PTP4A1: variants seen among roughly 807,000 people sequenced by gnomAD.
The protein encoded by PTP4A1 is protein tyrosine phosphatase type IVA 1.
In PTP4A1, 9 loss-of-function variants were observed where a neutral mutation model predicts 20.5. That is an observed-to-expected ratio of 0.44 (90% confidence interval 0.26 to 0.77). The LOEUF (loss-of-function observed/expected upper bound fraction) is 0.77, where lower values mean the gene tolerates loss of function less well. Ranked by LOEUF, PTP4A1 falls within the 30% of genes least tolerant of loss-of-function variation. The pLI, the probability that PTP4A1 is intolerant of heterozygous loss-of-function variation, is 0.19. For missense variants in PTP4A1, 137 were observed against 218.8 expected (o/e 0.63, Z 2.36); for synonymous variants, 78 against 67.4 (o/e 1.16, Z -0.77).
chr6:63,563,267 A>G (rs1777044176), intron 3 of PTP4A1, among the ~76,000 whole-genome samples: 1 of 152,176 alleles, frequency 6.6e-6, no homozygotes, highest in South Asian at 2.1e-4. Context: ...AATCCTTTCC[A>G]TGGCCTACAA....
chr6:63,521,844 T>G (rs1774936627), intron 1 of PTP4A1: 1 of 152,240 alleles, frequency 6.6e-6, no homozygotes, highest in Non-Finnish European at 1.5e-5. Context: ...TAACTTAATC[T>G]ACTTGTATAT....
intron 2 of PTP4A1, among the ~76,000 whole-genome samples, chr6:63,546,512 C>G (rs1277100905): frequency 6.6e-6 from 1 of 152,130 alleles, no homozygotes; most frequent in Non-Finnish European, 1.5e-5. Flanking sequence ...TCGAGACCAG[C>G]CTGACCAATA....
chr6:63,570,245 T>C (rs754532170), upstream of PTP4A1, among the ~76,000 whole-genome samples: 32 of 152,104 alleles, frequency 2.1e-4, no homozygotes, highest in Admixed American at 3.9e-4. Context: ...GCAGGAGAAT[T>C]GCTGGAACCC....
At chr6:63,518,353 A>G (rs893233698), upstream of PTP4A1, among the ~76,000 whole-genome samples, 2 of 152,142 alleles carry the variant, frequency 1.3e-5, no homozygotes, top group African/African-American at 4.8e-5. Flanking sequence ...CTAACAGCTT[A>G]GGTATCTTGA....
At position 63,581,989 on chromosome 6, in the gene PTP4A1, T is replaced by G. The variant is rs575033403; in HGVS notation, c.*1815T>G. The G allele has an allele frequency of 2.6e-5, 4 of 152,262 alleles. No individual in the cohort carries two copies. The highest frequency in any genetic ancestry group is 2.6e-4 in the Admixed American group (4 of 15,302). The allele number at this position is 152,262 out of a possible 1,614,324, so 9.4% of individuals were successfully genotyped here. ...TTATAAATGTAAAGGACTCAAAGTT[T>G]AAGTAAAAAGTGATACTCCACCTTG... On this transcript the variant is annotated 3_prime_UTR_variant, in exon 6 of 6. Coordinates refer to ENST00000626021, the MANE Select transcript of PTP4A1 (RefSeq NM_003463.5).
At chr6:63,532,095 G>A (rs1459451930) in intron 2 of PTP4A1, among the ~76,000 whole-genome samples, 3 of 151,902 alleles carry the variant, frequency 2.0e-5, no homozygotes, top group East Asian at 1.9e-4. Context: ...CACCACGCCC[G>A]GTCAACCACA....
At chr6:63,529,109 A>G (rs1054157387) in intron 2 of PTP4A1, among the ~76,000 whole-genome samples, 8 of 146,142 alleles carry the variant, frequency 5.5e-5, no homozygotes, top group Admixed American at 1.4e-4. Context: ...ATATGTGTGT[A>G]TATATATATA....
In PTP4A1 at chr6:63,581,703, A is replaced by G. The variant is rs1778243339; in HGVS notation, c.*1529A>G. 1 of 152,146 alleles carries G rather than the reference A, an allele frequency of 6.6e-6. No individual in the cohort carries two copies. Among genetic ancestry groups the G allele is most frequent in the Non-Finnish European group, 1.5e-5 (1 of 67,996 alleles). 9.4% of individuals were successfully genotyped at this position (152,146 alleles called of 1,614,324 possible). A position where few individuals can be genotyped will look rare whatever the true frequency, so the allele number is the denominator to read the frequency against. On this transcript the variant is annotated 3_prime_UTR_variant, in exon 6 of 6. Transcript: ENST00000626021. ...ACCAATTTATTATTGTGTACTGAGG[A>G]GAAATAATGTATAGTAGAGGACAGC... is the stretch of plus-strand genomic sequence containing the variant.
At chr6:63,569,956 C>T (rs973792977), upstream of PTP4A1, among the ~76,000 whole-genome samples, 2 of 152,206 alleles carry the variant, frequency 1.3e-5, no homozygotes, top group African/African-American at 4.8e-5. Context: ...CAAGAATCTG[C>T]AGCTTAAAAG....
chr6:63,567,746 G>C (rs1777250791), upstream of PTP4A1, among the ~76,000 whole-genome samples: 3 of 152,148 alleles, frequency 2.0e-5, no homozygotes, highest in Admixed American at 2.0e-4. Flanking sequence ...TGAAAGTCTT[G>C]GACAGCATCT....
At chr6:63,557,123 T>G (rs1025555179) in intron 3 of PTP4A1, among the ~76,000 whole-genome samples, 1 of 152,254 alleles carries the variant, frequency 6.6e-6, no homozygotes, top group Admixed American at 6.5e-5. Flanking sequence ...CTTGGAATTC[T>G]TCAAAGGGTG....
In PTP4A1 at chr6:63,547,314, C is replaced by T. The variant is rs547572363; in HGVS notation, c.-639-2986C>T. ...AAGTGATTCTCCTGTCTCAGCCTCC[C>T]GAGTAGCTGGGACTACAGGCATGTG... is the stretch of plus-strand genomic sequence containing the variant. On this transcript the variant is annotated intron_variant, in intron 2 of 3. Transcript: ENST00000639568. Among the ~76,000 whole-genome samples, 22 of 151,504 alleles carry T rather than the reference C, an allele frequency of 1.5e-4. No homozygotes were observed. The South Asian group carries it at 1.5e-3, about 10-fold the overall frequency.
chr6:63,535,686 T>C (rs1363839073), intron 2 of PTP4A1, among the ~76,000 whole-genome samples: 1 of 152,168 alleles, frequency 6.6e-6, no homozygotes, highest in East Asian at 1.9e-4. Context: ...ACATTTATAG[T>C]AGTTTTGATG....
intron 2 of PTP4A1, among the ~76,000 whole-genome samples, chr6:63,541,395 A>T (rs7767556): frequency 0.087 from 13,225 of 151,984 alleles, 613 homozygotes; most frequent in East Asian, 0.16. Context: ...CTACTAAAAA[A>T]ACAAAAAAAT....
chr6:63,533,649 C>T (rs1362979213), intron 2 of PTP4A1, among the ~76,000 whole-genome samples: 1 of 151,884 alleles, frequency 6.6e-6, no homozygotes, highest in Non-Finnish European at 1.5e-5. Context: ...CAGATAATAG[C>T]AAATTAGAAT....
chr6:63,543,676 G>C (rs891207307), intron 2 of PTP4A1, among the ~76,000 whole-genome samples: 1 of 152,146 alleles, frequency 6.6e-6, no homozygotes, highest in African/African-American at 2.4e-5. Context: ...CCAGTCAAGA[G>C]CCCAATATTT....
At chr6:63,527,084 G>C (rs1401796274) in intron 1 of PTP4A1, among the ~76,000 whole-genome samples, 5 of 151,878 alleles carry the variant, frequency 3.3e-5, no homozygotes, top group Admixed American at 3.3e-4. Context: ...TTTTATCTGA[G>C]AGTCCTTATT....
chr6:63,524,623 C>T (rs935645530), intron 1 of PTP4A1, among the ~76,000 whole-genome samples: 2 of 152,066 alleles, frequency 1.3e-5, no homozygotes, highest in Non-Finnish European at 2.9e-5. Context: ...AAACAGAAGC[C>T]TTGGATGAGA....
intron 2 of PTP4A1, among the ~76,000 whole-genome samples, chr6:63,536,558 T>C (rs921028861): frequency 1.3e-5 from 2 of 152,204 alleles, no homozygotes; most frequent in African/African-American, 4.8e-5. Context: ...AAATCACCAC[T>C]TATATTTTAT....
Sources: gnomAD v4.1 joint callset for allele counts (sites outside exome capture counted in the v4.1 genomes callset) on GRCh38, gnomAD v4.1.1 for gene constraint, MANE v1.5 for transcripts, NCBI Gene and HGNC (gene_info 2026-07-23, HGNC 2026-07-21) for gene names.